The following ATAD3B variants were observed in gnomAD, a reference collection of about 807,000 sequenced individuals.
ATAD3B encodes the protein ATPase family AAA domain containing 3B.
A neutral mutation model predicts 70.2 loss-of-function variants in ATAD3B; 59 were observed. The observed-to-expected ratio is 0.84, with a 90% CI of 0.68 to 1.04. ATAD3B has a LOEUF of 1.04. Among genes scored for constraint, ATAD3B ranks in the 50% least tolerant of loss-of-function variants. The probability of loss-of-function intolerance (pLI) is 0.00; values close to 1 mark genes in which losing one functional copy is unlikely to be tolerated. For missense variants in ATAD3B, 961 were observed against 913.4 expected, an observed-to-expected ratio of 1.05 and a Z score of -0.67; for synonymous variants, 423 against 388.6, an observed-to-expected ratio of 1.09 and a Z score of -1.04.
Position 1,476,132 on chromosome 1 carries a change from G to A in ATAD3B, c.206-1142G>A, listed in dbSNP as rs941588087. ...CTGTCTTCCCTGAGAGGCAGGTCCC[G>A]GTCTCATCTGTGCTCTGTTCACTGG... On this transcript the variant is annotated intron_variant, in intron 1 of 15. Coordinates refer to ENST00000673477, the MANE Select transcript of ATAD3B (RefSeq NM_031921.6). Among the ~76,000 whole-genome samples, 213 of 143,280 alleles carry A rather than the reference G, an allele frequency of 1.5e-3. 1 individual carries two copies. Among genetic ancestry groups the A allele is most frequent in the Non-Finnish European group, 1.6e-3 (110 of 67,788 alleles). 94.0% of individuals were successfully genotyped at this position (143,280 alleles called of 152,430 possible). A position where few individuals can be genotyped will look rare whatever the true frequency, so the allele number is the denominator to read the frequency against.
chr1:1,498,445 AGT>A (rs1192661024), downstream of ATAD3B, among the ~76,000 whole-genome samples: 1 of 151,602 alleles, frequency 6.6e-6, no homozygotes, highest in Non-Finnish European at 1.5e-5. Flanking sequence ...TGGGTGACAG[AGT>A]GAGACCCTGT....
chr1:1,501,839 C>T (rs1640952083), downstream of ATAD3B, among the ~76,000 whole-genome samples: 1 of 152,094 alleles, frequency 6.6e-6, no homozygotes, highest in South Asian at 2.1e-4. Context: ...CAGTGGCCTC[C>T]ATGCCTTTGG....
At chr1:1,485,574 TA>T (rs1396742640) in intron 8 of ATAD3B, among the ~76,000 whole-genome samples, 1 of 151,932 alleles carries the variant, frequency 6.6e-6, no homozygotes, top group Non-Finnish European at 1.5e-5. Context: ...GTTAAGAAAA[TA>T]AAAGCCAATA....
chr1:1,482,774 C>T, intron 7 of ATAD3B, 160 bp downstream of exon 7: 1 of 1,184,348 alleles, frequency 8.4e-7, no homozygotes, highest in Non-Finnish European at 1.2e-6. Context: ...GCTGCTCCTC[C>T]CTCCTTGAGC....
intron 1 of ATAD3B, among the ~76,000 whole-genome samples, chr1:1,472,693 C>T (rs142943779): frequency 6.6e-6 from 1 of 152,048 alleles, no homozygotes; most frequent in Non-Finnish European, 1.5e-5. Flanking sequence ...CGGGTCTCTT[C>T]CCCCAGCCTT....
chr1:1,477,945 C>A (rs1409161622), intron 2 of ATAD3B: 1 of 159,920 alleles, frequency 6.3e-6, no homozygotes, highest in Non-Finnish European at 1.4e-5. Flanking sequence ...CTCAGGTGAT[C>A]CACCCGCCTC....
rs564790962 is a variant in ATAD3B at position 1,490,808 on chromosome 1, A to G, written c.1614+137A>G. The G allele has an allele frequency of 4.4e-5, 64 of 1,470,376 alleles. No individual in the cohort carries two copies. In the Admixed American group the frequency reaches 1.4e-3, roughly 32 times the overall value. 91.1% of individuals were successfully genotyped at this position (1,470,376 alleles called of 1,614,324 possible). A position where few individuals can be genotyped will look rare whatever the true frequency, so the allele number is the denominator to read the frequency against. ...GGTTTTCAGTGCACAGACGTGACAC[A>G]GGGCCCCCTGCCTCAGTCGGGCCAC... On this transcript the variant is annotated intron_variant, in intron 15 of 15. Coordinates refer to ENST00000673477, the MANE Select transcript of ATAD3B (RefSeq NM_031921.6).
At chr1:1,476,552 C>A (rs982593344) in intron 1 of ATAD3B, among the ~76,000 whole-genome samples, 3 of 151,808 alleles carry the variant, frequency 2.0e-5, no homozygotes, top group Admixed American at 1.3e-4. Context: ...GCTGTCTCCC[C>A]CGCTGGAGTG....
intron 1 of ATAD3B, 125 bp from the exon 2 acceptor site, chr1:1,477,149 C>T: frequency 3.1e-6 from 4 of 1,287,254 alleles, no homozygotes; most frequent in Non-Finnish European, 4.3e-6. Context: ...GCTGGGATTA[C>T]AGGCGTGAAC....
the ATAD3B span, among the ~76,000 whole-genome samples, chr1:1,508,317 C>T: frequency 2.0e-5 from 3 of 151,288 alleles, no homozygotes; most frequent in South Asian, 2.1e-4. Flanking sequence ...GCAGAGGGGA[C>T]GGGCACCACG....
At chr1:1,476,333 A>G (rs1038640524) in intron 1 of ATAD3B, among the ~76,000 whole-genome samples, 8 of 148,706 alleles carry the variant, frequency 5.4e-5, no homozygotes, top group Non-Finnish European at 1.0e-4. Flanking sequence ...AGTCACCTCC[A>G]AAAATTACAC....
Position 1,496,223 on chromosome 1 carries a change from C to CT in ATAD3B, c.*407dup. 1 of 1,004,884 alleles carries CT rather than the reference C, an allele frequency of 1.0e-6. No homozygotes were observed. Among genetic ancestry groups the CT allele is most frequent in the Non-Finnish European group, 1.2e-6 (1 of 842,568 alleles). 62.2% of individuals were successfully genotyped at this position (1,004,884 alleles called of 1,614,324 possible). ...CCTCACCGCCGTGTCTCTCTATTGA[C>CT]TGACACTGCTCGGGGTTTCAGGGGC... On this transcript the variant is annotated 3_prime_UTR_variant, in exon 16 of 16. Coordinates refer to ENST00000673477, the MANE Select transcript of ATAD3B (RefSeq NM_031921.6).
downstream of ATAD3B, among the ~76,000 whole-genome samples, chr1:1,502,802 G>A (rs990139154): frequency 2.0e-5 from 3 of 150,682 alleles, no homozygotes; most frequent in Admixed American, 1.3e-4. Flanking sequence ...ATGAGCCACC[G>A]CACCCGGCCT....
rs759500222 is a variant in ATAD3B, at chr1:1,490,249, T to C, written c.1338-8T>C. On this transcript the variant is annotated splice_region_variant and splice_polypyrimidine_tract_variant and intron_variant, in intron 13 of 15. Transcript: ENST00000673477. Reference sequence around the variant, plus strand: ...CCCAGCGTTTCCTTCCCCATCCCTGTCCTACAGATTCATGCTGGTCCTGGC... The same window carrying C: ...CCCAGCGTTTCCTTCCCCATCCCTGCCCTACAGATTCATGCTGGTCCTGGC... The C allele has an allele frequency of 2.4e-5, 38 of 1,611,108 alleles. No homozygotes were observed. The highest frequency in any genetic ancestry group is 3.1e-5 in the Non-Finnish European group (37 of 1,178,250).
In ATAD3B at chr1:1,496,972, A is replaced by G. The variant is rs1190576873; in HGVS notation, c.*1155A>G. On this transcript the variant is annotated 3_prime_UTR_variant, in exon 16 of 16. Transcript: ENST00000673477. ...GGTGGTTGGGGGAATCACAGCAACG[A>G]GACAGCACAGTGCCATGGCGCAGAG... is the stretch of plus-strand genomic sequence containing the variant. 3.7e-5 allele frequency: 5 copies of G among 136,328 alleles called. No individual in the cohort carries two copies. The highest frequency in any genetic ancestry group is 1.7e-4 in the African/African-American group (5 of 29,324). 8.4% of individuals were successfully genotyped at this position (136,328 alleles called of 1,614,324 possible). A position where few individuals can be genotyped will look rare whatever the true frequency, so the allele number is the denominator to read the frequency against.
rs918845510 is a variant in ATAD3B, at chr1:1,496,119, T to A, written c.*302T>A. 1 of 1,151,402 alleles carries A rather than the reference T, an allele frequency of 8.7e-7. No individual in the cohort carries two copies. Among genetic ancestry groups the A allele is most frequent in the South Asian group, 3.5e-5 (1 of 28,330 alleles). The allele number at this position is 1,151,402 out of a possible 1,614,324, so 71.3% of individuals were successfully genotyped here. ...GGCCACGGAACCCGGCAGGGGTGTCTGAGGCCGCCCTGTCAGCTGGCCGGT... is the reference window on the plus strand; with the variant it reads ...GGCCACGGAACCCGGCAGGGGTGTCAGAGGCCGCCCTGTCAGCTGGCCGGT... On this transcript the variant is annotated 3_prime_UTR_variant, in exon 16 of 16. Coordinates refer to ENST00000673477, the MANE Select transcript of ATAD3B (RefSeq NM_031921.6).
chr1:1,501,981 C>T (rs527940386), downstream of ATAD3B, among the ~76,000 whole-genome samples: 21 of 151,944 alleles, frequency 1.4e-4, no homozygotes, highest in African/African-American at 4.8e-4. Context: ...TGGGTTCAAG[C>T]AATTCTCCTG....
intron 2 of ATAD3B, 164 bp from the exon 3 acceptor site, chr1:1,478,480 G>A (rs1462183267): frequency 6.5e-7 from 1 of 1,547,734 alleles, no homozygotes; most frequent in Non-Finnish European, 8.7e-7. Flanking sequence ...GATTCCTCCA[G>A]GGCCTGATCC....
At chr1:1,486,363 C>T (rs1570248890) in intron 10 of ATAD3B, 128 bp downstream of exon 10, 5 of 1,583,628 alleles carry the variant, frequency 3.2e-6, no homozygotes, top group East Asian at 2.3e-5. Flanking sequence ...CGTGTAGGCT[C>T]AGGGTGCTGG....
Sources: gnomAD v4.1 joint callset for allele counts (sites outside exome capture counted in the v4.1 genomes callset) on GRCh38, gnomAD v4.1.1 for gene constraint, MANE v1.5 for transcripts, NCBI Gene and HGNC (gene_info 2026-07-23, HGNC 2026-07-21) for gene names.